Variants in LDLRAD4 observed in about 807,000 individuals in gnomAD.
LDLRAD4 encodes low density lipoprotein receptor class A domain containing 4.
In LDLRAD4, 5 loss-of-function variants were observed where a neutral mutation model predicts 17.0. The observed-to-expected ratio is 0.29, with a 90% CI of 0.15 to 0.62. The LOEUF is 0.62. LDLRAD4 is among the 20% of genes least tolerant of loss of function. The pLI is 0.84. For synonymous variants in LDLRAD4, 168 were observed against 171.8 expected (o/e 0.98, Z 0.17); for missense variants, 340 against 424.7 (o/e 0.80, Z 1.75).
chr18:13,609,592 A>ATTCT (rs2039300922), intron 3 of LDLRAD4, among the ~76,000 whole-genome samples: 1 of 152,142 alleles, frequency 6.6e-6, no homozygotes, highest in Non-Finnish European at 1.5e-5. Context: ...GTAAACTTGT[A>ATTCT]TTCATAAAGT....
At chr18:13,233,729 C>T (rs993510645) in intron 1 of LDLRAD4, among the ~76,000 whole-genome samples, 2 of 152,060 alleles carry the variant, frequency 1.3e-5, no homozygotes, top group African/African-American at 4.8e-5. Context: ...AGAGTTTTGT[C>T]GCAACTGTTG....
At chr18:13,474,948 G>C (rs2092900858) in intron 3 of LDLRAD4, among the ~76,000 whole-genome samples, 1 of 152,120 alleles carries the variant, frequency 6.6e-6, no homozygotes, top group South Asian at 2.1e-4. Flanking sequence ...GGTTAAGATG[G>C]TTTATGGGTC....
chr18:13,316,235 T>A (rs1315805428), intron 1 of LDLRAD4, among the ~76,000 whole-genome samples: 1 of 152,188 alleles, frequency 6.6e-6, no homozygotes, highest in Non-Finnish European at 1.5e-5. Context: ...TAGATGGAGC[T>A]GGAGGTGCAT....
intron 1 of LDLRAD4, among the ~76,000 whole-genome samples, chr18:13,221,205 A>G (rs1222520820): frequency 6.6e-6 from 1 of 152,238 alleles, no homozygotes; most frequent in Non-Finnish European, 1.5e-5. Flanking sequence ...ATTTTTGGAA[A>G]TAGTTAACAG....
intron 3 of LDLRAD4, among the ~76,000 whole-genome samples, chr18:13,565,858 T>G (rs956032877): frequency 6.6e-6 from 1 of 152,224 alleles, no homozygotes; most frequent in African/African-American, 2.4e-5. Flanking sequence ...TTAAGGAGTT[T>G]GTGTTGATAT....
chr18:13,573,703 G>A (rs1170110916), intron 3 of LDLRAD4, among the ~76,000 whole-genome samples: 2 of 152,224 alleles, frequency 1.3e-5, no homozygotes, highest in African/African-American at 2.4e-5. Context: ...GAATTCATTT[G>A]CTGTCAGATT....
Position 13,621,545 on chromosome 18 carries a change from G to C in LDLRAD4, c.336+274G>C, listed in dbSNP as rs1453359630. Among the ~76,000 whole-genome samples the C allele has an allele frequency of 2.0e-5, 3 of 152,214 alleles. No homozygotes were observed. Among genetic ancestry groups the C allele is most frequent in the African/African-American group, 7.2e-5 (3 of 41,454 alleles). On this transcript the variant is annotated intron_variant, in intron 4 of 5. Transcript: ENST00000359446. The surrounding 1 kb of genome is among the most constrained non-coding windows in gnomAD (Gnocchi z 5.5). Reference sequence around the variant, plus strand: ...TTTGCTGCCCGACGTGGCTTTGCCAGCTTCTGAGCTGTGCACGAACGGGAC... The same window carrying C: ...TTTGCTGCCCGACGTGGCTTTGCCACCTTCTGAGCTGTGCACGAACGGGAC...
Position 13,290,728 on chromosome 18 carries a change from G to A in LDLRAD4, c.-383+12540G>A, listed in dbSNP as rs148947111. On this transcript the variant is annotated intron_variant, in intron 1 of 5. Transcript: ENST00000359446. ...TATAAAACTAAAGTAGAAGTCAGGT[G>A]CTGGTGCATTCTCAGAAGTTAGATT... 4.6e-5 allele frequency among the ~76,000 whole-genome samples: 7 copies of A among 152,354 alleles called. No individual in the cohort carries two copies. In the East Asian group the frequency reaches 1.2e-3, roughly 25 times the overall value.
rs10676168 is a variant in LDLRAD4 at position 13,224,474 on chromosome 18, CTTTTTT to C, written c.-467+5504_-467+5509del. 3.5e-3 allele frequency among the ~76,000 whole-genome samples: 307 copies of C among 87,892 alleles called. 6 individuals are homozygous for C. In the East Asian group the frequency reaches 0.057, roughly 16 times the overall value. The allele number at this position is 87,892 out of a possible 152,430, so 57.7% of individuals were successfully genotyped here. On this transcript the variant is annotated intron_variant, in intron 1 of 5. Coordinates refer to the LDLRAD4 transcript ENST00000399848. ...AGCACTATAGTTTCTTTCTTTCTTT[CTTTTTT>C]TTTTTTTTTTTTTTTTTGAGACGGA... is the stretch of plus-strand genomic sequence containing the variant.
chr18:13,433,812 G>A (rs950613653), intron 2 of LDLRAD4, among the ~76,000 whole-genome samples: 1 of 152,092 alleles, frequency 6.6e-6, no homozygotes, highest in Non-Finnish European at 1.5e-5. Flanking sequence ...TAAAATATTA[G>A]GACATTCCCT....
chr18:13,582,858 G>T (rs919185551), intron 3 of LDLRAD4, among the ~76,000 whole-genome samples: 22 of 152,192 alleles, frequency 1.4e-4, no homozygotes, highest in Non-Finnish European at 3.1e-4. Context: ...GACTATAGGT[G>T]CATGCCGCTG....
intron 1 of LDLRAD4, among the ~76,000 whole-genome samples, chr18:13,292,304 C>T (rs966275460): frequency 2.0e-5 from 3 of 152,218 alleles, no homozygotes; most frequent in Admixed American, 6.5e-5. Flanking sequence ...AATGCCTGGG[C>T]GTGCCCTGGG....
rs946303139 is a variant in LDLRAD4, at chr18:13,643,298, G to A, written c.337-61G>A. The A allele has an allele frequency of 5.6e-6, 6 of 1,080,492 alleles. No homozygotes were observed. In the African/African-American group the frequency reaches 8.2e-5, roughly 15 times the overall value. 66.9% of individuals were successfully genotyped at this position (1,080,492 alleles called of 1,614,324 possible). ...GTGCTTCATGTTTTTAGGTGCGGCG[G>A]GGCTAATGATTTTCCTCTGTTTCTT... On this transcript the variant is annotated intron_variant, in intron 4 of 5. Coordinates refer to ENST00000359446, the Ensembl canonical transcript of LDLRAD4.
intron 2 of LDLRAD4, among the ~76,000 whole-genome samples, chr18:13,406,148 T>C (rs910820116): frequency 6.6e-6 from 1 of 152,168 alleles, no homozygotes; most frequent in Admixed American, 6.5e-5. Context: ...CCCATGCTCT[T>C]GTGTTATGCC....
At chr18:13,532,187 G>A (rs377374995) in intron 3 of LDLRAD4, among the ~76,000 whole-genome samples, 10 of 152,190 alleles carry the variant, frequency 6.6e-5, no homozygotes, top group African/African-American at 2.2e-4. Flanking sequence ...GATGCACCCC[G>A]CCGTGCATGC....
At chr18:13,604,919 T>G (rs1393304826) in intron 3 of LDLRAD4, among the ~76,000 whole-genome samples, 3 of 152,054 alleles carry the variant, frequency 2.0e-5, no homozygotes, top group Non-Finnish European at 4.4e-5. Context: ...AGGACACATG[T>G]GGCAGGAGTA....
At chr18:13,291,304 T>G (rs1044214951) in intron 1 of LDLRAD4, among the ~76,000 whole-genome samples, 1 of 152,236 alleles carries the variant, frequency 6.6e-6, no homozygotes, top group African/African-American at 2.4e-5. Context: ...ACAGAGGTGT[T>G]GGAAGGCAAA....
At chr18:13,245,213 G>T (rs1253154248) in intron 1 of LDLRAD4, among the ~76,000 whole-genome samples, 2 of 152,196 alleles carry the variant, frequency 1.3e-5, no homozygotes, top group African/African-American at 4.8e-5. Flanking sequence ...GTGTACCTGG[G>T]CTGTACGGAT....
intron 3 of LDLRAD4, among the ~76,000 whole-genome samples, chr18:13,447,697 C>T (rs1373127897): frequency 6.6e-6 from 1 of 152,084 alleles, no homozygotes; most frequent in Admixed American, 6.6e-5. Flanking sequence ...AGAATTGCAA[C>T]AATGATAGTA....
Sources: allele counts gnomAD v4.1 joint callset (sites outside exome capture counted in the v4.1 genomes callset), GRCh38; gene constraint gnomAD v4.1.1; non-coding constraint Gnocchi (gnomAD v3.1); transcripts MANE v1.5; gene names NCBI Gene and HGNC (gene_info 2026-07-23, HGNC 2026-07-21).